Variants in DCK observed in about 807,000 individuals in gnomAD.
The protein encoded by DCK is deoxyadenosine kinase.
DCK carries 23 observed loss-of-function variants against 38.3 expected under a neutral mutation model. The ratio of observed to expected loss-of-function variants is 0.60; its 90% confidence interval spans 0.43 to 0.85. The LOEUF (loss-of-function observed/expected upper bound fraction) is 0.85, where lower values mean the gene tolerates loss of function less well. Ranked by LOEUF, DCK falls within the 40% of genes least tolerant of loss-of-function variation. DCK has a pLI of 0.00. For synonymous variants in DCK, 108 were observed against 100.6 expected, an observed-to-expected ratio of 1.07 and a Z score of -0.44; for missense variants, 259 against 304.4, an observed-to-expected ratio of 0.85 and a Z score of 1.11.
In DCK at chr4:71,030,910, C is replaced by G. The variant is rs2148921362; in HGVS notation, c.*1532C>G. 1 of 152,158 alleles carries G rather than the reference C, an allele frequency of 6.6e-6. No individual in the cohort carries two copies. Among genetic ancestry groups the G allele is most frequent in the South Asian group, 2.1e-4 (1 of 4,826 alleles). The allele number at this position is 152,158 out of a possible 1,614,324, so 9.4% of individuals were successfully genotyped here. A position where few individuals can be genotyped will look rare whatever the true frequency, so the allele number is the denominator to read the frequency against. On this transcript the variant is annotated 3_prime_UTR_variant, in exon 7 of 7. Transcript: ENST00000286648. ...AATTTATTATTTATTTGTCATGACT[C>G]AAAAGTTGTCTCAGTGTGGTGGTCA...
intron 2 of DCK, among the ~76,000 whole-genome samples, chr4:71,010,305 G>A (rs758367579): frequency 6.6e-6 from 1 of 151,550 alleles, no homozygotes; most frequent in Non-Finnish European, 1.5e-5. Context: ...ATCTCTCTTG[G>A]TGAGAATGAT....
intron 2 of DCK, among the ~76,000 whole-genome samples, chr4:71,005,443 A>G (rs1010406528): frequency 2.0e-5 from 3 of 152,050 alleles, no homozygotes; most frequent in Admixed American, 6.6e-5. Context: ...AAGTTTTTAA[A>G]AAGTTAAATA....
At chr4:71,006,328 C>T in intron 2 of DCK, 1 of 951,134 alleles carries the variant, frequency 1.1e-6, no homozygotes, top group Non-Finnish European at 1.3e-6. Context: ...AAGAGAATGA[C>T]AGAGTTCAGT....
intron 2 of DCK, among the ~76,000 whole-genome samples, chr4:71,015,477 C>T (rs1740237069): frequency 6.6e-6 from 1 of 151,918 alleles, no homozygotes; most frequent in African/African-American, 2.4e-5. Context: ...AGAGACACAA[C>T]AAAAAAAGAG....
At chr4:70,996,555 T>C (rs1739665595) in intron 1 of DCK, among the ~76,000 whole-genome samples, 1 of 152,216 alleles carries the variant, frequency 6.6e-6, no homozygotes. Flanking sequence ...ACTGAGACTT[T>C]GTTAGTTACT....
chr4:70,998,328 T>C, intron 2 of DCK, 146 bp downstream of exon 2: 1 of 455,940 alleles, frequency 2.2e-6, no homozygotes, highest in Non-Finnish European at 3.9e-6. Context: ...TACATGGATA[T>C]ATATACAGTT....
intron 2 of DCK, among the ~76,000 whole-genome samples, chr4:71,020,201 G>C (rs1425207466): frequency 6.6e-6 from 1 of 152,202 alleles, no homozygotes; most frequent in Non-Finnish European, 1.5e-5. Context: ...TTTTGGCTGA[G>C]TGTATCTCTG....
At chr4:71,022,286 T>G (rs887477890) in intron 2 of DCK, 81 bp from the exon 3 acceptor site, 34 of 758,034 alleles carry the variant, frequency 4.5e-5, no homozygotes, top group Non-Finnish European at 6.5e-5. Flanking sequence ...TATCTGACTT[T>G]TATTTTTTAG....
intron 6 of DCK, among the ~76,000 whole-genome samples, chr4:71,028,062 G>C (rs1246082653): frequency 6.6e-6 from 1 of 152,168 alleles, no homozygotes; most frequent in Non-Finnish European, 1.5e-5. Context: ...ATTATGGTCA[G>C]TAGGCTAGGT....
At chr4:71,028,502 A>T (rs1172788699) in intron 6 of DCK, 1 of 319,126 alleles carries the variant, frequency 3.1e-6, no homozygotes, top group African/African-American at 2.3e-5. Context: ...GTGAGCTTTG[A>T]TTGCACCACT....
intron 2 of DCK, among the ~76,000 whole-genome samples, chr4:71,008,109 G>T (rs529259876): frequency 2.0e-5 from 3 of 152,104 alleles, no homozygotes; most frequent in Non-Finnish European, 4.4e-5. Flanking sequence ...CAATTTAGTT[G>T]CTTATGTAAA....
At chr4:70,999,241 ACTCC>A in intron 2 of DCK, among the ~76,000 whole-genome samples, 1 of 151,334 alleles carries the variant, frequency 6.6e-6, no homozygotes, top group African/African-American at 2.4e-5. Context: ...TCATTGTTCA[ACTCC>A]CACTTACAAG....
intron 4 of DCK, 126 bp downstream of exon 4, chr4:71,023,832 A>C (rs780397016): frequency 5.4e-6 from 4 of 744,268 alleles, no homozygotes; most frequent in Non-Finnish European, 8.1e-6. Flanking sequence ...CCCACCTCTA[A>C]ATTAGAAACT....
intron 2 of DCK, among the ~76,000 whole-genome samples, chr4:71,016,031 A>AC: frequency 6.6e-6 from 1 of 152,186 alleles, no homozygotes; most frequent in African/African-American, 2.4e-5. Context: ...TATTTAGAAA[A>AC]CCCCATCGTC....
intron 2 of DCK, among the ~76,000 whole-genome samples, chr4:71,022,068 G>C: frequency 6.6e-6 from 1 of 152,136 alleles, no homozygotes; most frequent in Non-Finnish European, 1.5e-5. Flanking sequence ...TTTAAATATT[G>C]ACAATACTAT....
At chr4:71,017,168 C>T (rs979718637) in intron 2 of DCK, among the ~76,000 whole-genome samples, 21 of 152,286 alleles carry the variant, frequency 1.4e-4, no homozygotes, top group African/African-American at 5.1e-4. Context: ...AGCCAACAGA[C>T]ACATGAAAAA....
At chr4:71,020,767 C>G (rs1427861185) in intron 2 of DCK, among the ~76,000 whole-genome samples, 3 of 151,934 alleles carry the variant, frequency 2.0e-5, no homozygotes, top group African/African-American at 7.3e-5. Context: ...TCAAATTATT[C>G]TTTCTTTGAC....
chr4:71,011,662 G>C (rs1417578362), intron 2 of DCK, among the ~76,000 whole-genome samples: 1 of 152,096 alleles, frequency 6.6e-6, no homozygotes, highest in East Asian at 1.9e-4. Context: ...CTGGCCTGTT[G>C]GCTATTTTAT....
intron 6 of DCK, among the ~76,000 whole-genome samples, chr4:71,027,067 A>C (rs960233014): frequency 5.3e-5 from 8 of 152,004 alleles, no homozygotes; most frequent in Non-Finnish European, 1.2e-4. Context: ...TAAAATTATA[A>C]TAACAAAAAT....
Sources: allele counts gnomAD v4.1 joint callset (sites outside exome capture counted in the v4.1 genomes callset), GRCh38; gene constraint gnomAD v4.1.1; transcripts MANE v1.5; gene names NCBI Gene and HGNC (gene_info 2026-07-23, HGNC 2026-07-21).